The following PRICKLE2 variants were observed in gnomAD, a reference collection of about 807,000 sequenced individuals.
PRICKLE2 encodes prickle-like protein 2.
In PRICKLE2, 21 loss-of-function variants were observed where a neutral mutation model predicts 81.4. The ratio of observed to expected loss-of-function variants is 0.26; its 90% CI spans 0.18 to 0.37. The LOEUF is 0.37. PRICKLE2 is among the 10% of genes least tolerant of loss of function. The pLI is 1.00. For missense variants in PRICKLE2, 940 were observed against 1,109.0 expected (o/e 0.85, Z 2.16); for synonymous variants, 456 against 421.5 (o/e 1.08, Z -1.00).
intron 1 of PRICKLE2, among the ~76,000 whole-genome samples, chr3:64,206,483 TG>T (rs1353327180): frequency 1.3e-5 from 2 of 152,206 alleles, no homozygotes; most frequent in Non-Finnish European, 2.9e-5. Flanking sequence ...GCCACTCAGC[TG>T]GGTACCCAGT....
rs1217472337 is a variant in PRICKLE2, at chr3:64,097,455, A to G, written c.*1596T>C. 1.3e-5 allele frequency: 2 copies of G among 152,586 alleles called. No individual in the cohort carries two copies. The highest frequency in any genetic ancestry group is 2.9e-5 in the Non-Finnish European group (2 of 68,032). 9.5% of individuals were successfully genotyped at this position (152,586 alleles called of 1,614,324 possible). A position where few individuals can be genotyped will look rare whatever the true frequency, so the allele number is the denominator to read the frequency against. ...TCACTACAGGTGGGTCATCCGATGG[A>G]TTATTTCAACTGCCACAATCCATTA... is the stretch of plus-strand genomic sequence containing the variant. On this transcript the variant is annotated 3_prime_UTR_variant, in exon 8 of 8. Coordinates refer to ENST00000638394, the MANE Select transcript of PRICKLE2 (RefSeq NM_198859.4).
At chr3:64,146,528 G>A in intron 7 of PRICKLE2, 1 of 341,892 alleles carries the variant, frequency 2.9e-6, no homozygotes, top group Non-Finnish European at 5.6e-6. Flanking sequence ...TGGATCACGA[G>A]GTCAGGAGAT....
intron 1 of PRICKLE2, among the ~76,000 whole-genome samples, chr3:64,218,149 CT>C (rs1559586626): frequency 6.6e-6 from 1 of 152,122 alleles, no homozygotes; most frequent in African/African-American, 2.4e-5. Context: ...ACCAGAACCC[CT>C]CATTCCCCAG....
At chr3:64,148,349 G>A (rs755934653) in intron 6 of PRICKLE2, among the ~76,000 whole-genome samples, 2 of 152,098 alleles carry the variant, frequency 1.3e-5, no homozygotes, top group African/African-American at 2.4e-5. Context: ...CATTAATACC[G>A]CTTTACATTA....
At chr3:64,238,485 CAAAA>C (rs11291908) in intron 2 of PRICKLE2, among the ~76,000 whole-genome samples, 39 of 104,502 alleles carry the variant, frequency 3.7e-4, no homozygotes, top group Non-Finnish European at 6.7e-4. Flanking sequence ...GACTCCGTCT[CAAAA>C]AAAAAAAAAA....
chr3:64,109,023 G>A (rs2076800883), intron 7 of PRICKLE2, among the ~76,000 whole-genome samples: 1 of 152,046 alleles, frequency 6.6e-6, no homozygotes, highest in Admixed American at 6.6e-5. Context: ...ACTGAGGACC[G>A]CTGCTCTAAC....
At chr3:64,100,057 AG>A (rs1473395284) in intron 7 of PRICKLE2, 132 bp from the exon 8 acceptor site, 5 of 982,430 alleles carry the variant, frequency 5.1e-6, no homozygotes, top group Non-Finnish European at 6.2e-6. Flanking sequence ...AGGCCCTCTC[AG>A]GGGGCACATG....
intron 7 of PRICKLE2, among the ~76,000 whole-genome samples, chr3:64,121,501 A>G (rs1241615841): frequency 5.9e-5 from 9 of 151,688 alleles, no homozygotes; most frequent in African/African-American, 2.2e-4. Flanking sequence ...CAGTTATTGT[A>G]ACTCGGCTGT....
At chr3:64,260,037 C>T (rs1044562096) in intron 2 of PRICKLE2, among the ~76,000 whole-genome samples, 11 of 152,138 alleles carry the variant, frequency 7.2e-5, no homozygotes, top group East Asian at 3.9e-4. Context: ...TTGAAAAACA[C>T]GCCAGAATCA....
chr3:64,175,100 A>G, intron 2 of PRICKLE2: 1 of 159,228 alleles, frequency 6.3e-6, no homozygotes, highest in South Asian at 2.0e-4. Context: ...TCCTACAATC[A>G]AGTCAAATCA....
rs139238137 is a variant in PRICKLE2 at position 64,225,239 on chromosome 3, C to T, written c.-370G>A. Reference sequence around the variant, plus strand: ...CAGCCTGAGTGCTCAGATCGCCTTCCGGAGGACCCCCAGTTTCCTCTTAAC... The same window carrying T: ...CAGCCTGAGTGCTCAGATCGCCTTCTGGAGGACCCCCAGTTTCCTCTTAAC... On this transcript the variant is annotated 5_prime_UTR_variant, in exon 1 of 8. Transcript: ENST00000638394. 2.8e-3 allele frequency: 2,752 copies of T among 985,462 alleles called. 10 individuals are homozygous for T. The highest frequency in any genetic ancestry group is 3.1e-3 in the Non-Finnish European group (2,555 of 830,006). The allele number at this position is 985,462 out of a possible 1,614,324, so 61.0% of individuals were successfully genotyped here.
At chr3:64,135,726 A>G (rs895961064) in intron 7 of PRICKLE2, among the ~76,000 whole-genome samples, 2 of 143,574 alleles carry the variant, frequency 1.4e-5, no homozygotes, top group Non-Finnish European at 3.1e-5. Flanking sequence ...ACACACACGC[A>G]CACACACCTG....
At chr3:64,181,117 T>C (rs904630979) in intron 2 of PRICKLE2, among the ~76,000 whole-genome samples, 9 of 152,312 alleles carry the variant, frequency 5.9e-5, no homozygotes, top group South Asian at 2.1e-4. Context: ...CCACTGATAA[T>C]TGGGCAAGTT....
At chr3:64,166,010 G>C (rs1028197734) in intron 2 of PRICKLE2, among the ~76,000 whole-genome samples, 1 of 122,764 alleles carries the variant, frequency 8.1e-6, no homozygotes, top group Non-Finnish European at 1.8e-5. Context: ...GTGTGTGTGT[G>C]TGTGTTTTGT....
Position 64,099,574 on chromosome 3 carries a change from C to T in PRICKLE2, c.2012G>A (p.Arg671Lys), listed in dbSNP as rs1408491484. 3 of 1,613,424 alleles carry T rather than the reference C, an allele frequency of 1.9e-6. No individual in the cohort carries two copies. The highest frequency in any genetic ancestry group is 2.5e-6 in the Non-Finnish European group (3 of 1,179,692). The change falls in exon 8 of 8, where the codon AGA becomes AAA. Residue 671 changes from arginine to lysine, a missense_variant. By Grantham distance (26) the Arg-to-Lys change is conservative. Around this residue, in one of 2 missense-constraint regions of PRICKLE2, gnomAD observed 670 missense variants for 717.2 expected, o/e 0.93. Transcript: ENST00000638394. This position sits in a 1 kb window ranked among gnomAD's most constrained non-coding sequence, Gnocchi z 4.3. ...GTTGTCGTCGCGTGAAGTAGCTCTT[C>T]TCCGGGTGCGTTCACTCATGGGCTG... is the stretch of plus-strand genomic sequence containing the variant. Reference protein sequence around the residue: ...RIQPMSERTRRRATSRDDNRR... With the variant: ...RIQPMSERTRKRATSRDDNRR...
intron 2 of PRICKLE2, among the ~76,000 whole-genome samples, chr3:64,179,872 G>T (rs2107078634): frequency 6.6e-6 from 1 of 152,268 alleles, no homozygotes; most frequent in Non-Finnish European, 1.5e-5. Flanking sequence ...TGACTTCAAA[G>T]CTCATTCTCT....
chr3:64,233,804 A>C (rs942110481), intron 2 of PRICKLE2, among the ~76,000 whole-genome samples: 1 of 152,200 alleles, frequency 6.6e-6, no homozygotes, highest in Admixed American at 6.5e-5. Flanking sequence ...ATCCAAAAAG[A>C]AACCCTCTAG....
intron 2 of PRICKLE2, among the ~76,000 whole-genome samples, chr3:64,185,287 AC>A (rs568680137): frequency 6.6e-6 from 1 of 151,780 alleles, no homozygotes; most frequent in East Asian, 1.9e-4. Flanking sequence ...ATGTTTACAG[AC>A]CCCCCCTAGA....
intron 2 of PRICKLE2, among the ~76,000 whole-genome samples, chr3:64,181,721 G>A (rs994004357): frequency 6.6e-6 from 1 of 152,124 alleles, no homozygotes; most frequent in African/African-American, 2.4e-5. Flanking sequence ...AAAGATGTGT[G>A]AAAAATAACA....
Sources: gnomAD v4.1 joint callset for allele counts (sites outside exome capture counted in the v4.1 genomes callset) on GRCh38, gnomAD v4.1.1 for gene constraint, gnomAD v4.1.1 regional missense constraint, Gnocchi (gnomAD v3.1) non-coding constraint, MANE v1.5 for transcripts, NCBI Gene and HGNC (gene_info 2026-07-23, HGNC 2026-07-21) for gene names.